Variants in KHDC1 observed in about 807,000 individuals in gnomAD.
The protein encoded by KHDC1 is KH homology domain-containing protein 1.
In KHDC1, 21 loss-of-function variants were observed where a neutral mutation model predicts 24.7. That is an observed-to-expected ratio of 0.85 (90% CI 0.60 to 1.23). The LOEUF (loss-of-function observed/expected upper bound fraction) is 1.23, where lower values mean the gene tolerates loss of function less well. Ranked by LOEUF, KHDC1 falls within the 50% of genes most tolerant of loss-of-function variation. The pLI is 0.00. For missense variants in KHDC1, 274 were observed against 298.5 expected (o/e 0.92, Z 0.61); for synonymous variants, 98 against 111.7 (o/e 0.88, Z 0.77).
chr6:73,309,787 G>A (rs920272615), exon 1 of KHDC1: 1 of 1,499,640 alleles, frequency 6.7e-7, no homozygotes, highest in African/African-American at 1.4e-5. Flanking sequence ...CCACCGCAGA[G>A]CCCGCCGGCG....
chr6:73,301,873 C>A (rs1480768366), intron 1 of KHDC1, among the ~76,000 whole-genome samples: 1 of 151,678 alleles, frequency 6.6e-6, no homozygotes, highest in Non-Finnish European at 1.5e-5. Flanking sequence ...CTCAAGCAAT[C>A]CTGCCTCAGC....
intron 2 of KHDC1, among the ~76,000 whole-genome samples, chr6:73,253,380 C>T (rs1395665295): frequency 1.3e-5 from 2 of 150,878 alleles, no homozygotes; most frequent in Non-Finnish European, 1.5e-5. Context: ...GGTGAAACCC[C>T]GTCTCTACTA....
chr6:73,252,307 C>T (rs985142508), intron 2 of KHDC1, among the ~76,000 whole-genome samples: 1 of 152,074 alleles, frequency 6.6e-6, no homozygotes, highest in African/African-American at 2.4e-5. Context: ...ACCTCCCAAA[C>T]TGGAGGGATT....
chr6:73,293,047 G>T, intron 1 of KHDC1: 1 of 1,018,562 alleles, frequency 9.8e-7, no homozygotes, highest in South Asian at 1.3e-5. Context: ...AAACTGAAAG[G>T]TGGATTGTAA....
At chr6:73,286,831 T>C (rs1202038801) in intron 2 of KHDC1, among the ~76,000 whole-genome samples, 5 of 150,334 alleles carry the variant, frequency 3.3e-5, no homozygotes, top group Admixed American at 6.7e-5. Context: ...TGCAGTGAGC[T>C]GAGTTCATGC....
intron 1 of KHDC1, among the ~76,000 whole-genome samples, chr6:73,308,045 G>T (rs1167555544): frequency 6.6e-6 from 1 of 151,154 alleles, no homozygotes; most frequent in Non-Finnish European, 1.5e-5. Flanking sequence ...TGGGATTACA[G>T]GCACCGCACC....
chr6:73,260,868 T>A (rs138042553), intron 2 of KHDC1, among the ~76,000 whole-genome samples: 1 of 152,228 alleles, frequency 6.6e-6, no homozygotes, highest in Non-Finnish European at 1.5e-5. Flanking sequence ...TCTTCATCTA[T>A]TGTCTATTTA....
chr6:73,256,433 C>G (rs1230242083), intron 2 of KHDC1, among the ~76,000 whole-genome samples: 1 of 152,188 alleles, frequency 6.6e-6, no homozygotes, highest in Non-Finnish European at 1.5e-5. Context: ...TGAACTCTTT[C>G]AACATTTGCT....
At chr6:73,293,864 G>A (rs1767708488) in intron 1 of KHDC1, among the ~76,000 whole-genome samples, 1 of 151,832 alleles carries the variant, frequency 6.6e-6, no homozygotes, top group Non-Finnish European at 1.5e-5. Flanking sequence ...AAATTAGCCG[G>A]GCATGATGGT....
At chr6:73,250,236 A>T (rs1279740265) in intron 2 of KHDC1, among the ~76,000 whole-genome samples, 2 of 152,184 alleles carry the variant, frequency 1.3e-5, no homozygotes, top group Non-Finnish European at 1.5e-5. Flanking sequence ...CTAACTCCTA[A>T]CATCAATTTA....
intron 2 of KHDC1, among the ~76,000 whole-genome samples, chr6:73,242,738 T>TA (rs1766597472): frequency 1.3e-5 from 2 of 152,196 alleles, no homozygotes; most frequent in Non-Finnish European, 2.9e-5. Context: ...ATGCCAAACT[T>TA]AATCATCTGA....
intron 2 of KHDC1, among the ~76,000 whole-genome samples, chr6:73,273,740 A>AC (rs1381348756): frequency 6.6e-6 from 1 of 151,830 alleles, no homozygotes; most frequent in African/African-American, 2.4e-5. Flanking sequence ...AATGGCGTGA[A>AC]CCCGGGAGGT....
At chr6:73,267,090 A>T (rs767156738) in intron 2 of KHDC1, among the ~76,000 whole-genome samples, 4 of 152,246 alleles carry the variant, frequency 2.6e-5, no homozygotes, top group African/African-American at 7.2e-5. Flanking sequence ...ATGGCCAATA[A>T]GAACATGAAA....
At chr6:73,247,779 C>T (rs1429128120) in intron 2 of KHDC1, among the ~76,000 whole-genome samples, 2 of 148,376 alleles carry the variant, frequency 1.3e-5, no homozygotes, top group Non-Finnish European at 3.0e-5. Context: ...ATGGCTTGAC[C>T]TGGGAGGCAG....
chr6:73,244,148 A>G (rs962529505), intron 2 of KHDC1, among the ~76,000 whole-genome samples: 69 of 152,332 alleles, frequency 4.5e-4, no homozygotes, highest in African/African-American at 1.6e-3. Context: ...GAAAAATATT[A>G]TTAATAAAAT....
intron 2 of KHDC1, among the ~76,000 whole-genome samples, chr6:73,272,629 A>G (rs1767201125): frequency 6.6e-6 from 1 of 151,292 alleles, no homozygotes; most frequent in South Asian, 2.1e-4. Flanking sequence ...ACAAAAAGTT[A>G]GCCAGGTTTG....
At chr6:73,278,518 T>G (rs34246858) in intron 2 of KHDC1, among the ~76,000 whole-genome samples, 42,170 of 152,112 alleles carry the variant, frequency 0.28, 6,496 homozygotes, top group African/African-American at 0.41. Context: ...GCCACTGTAG[T>G]CTAGCCCTAG....
chr6:73,264,826 A>C (rs896948544), intron 2 of KHDC1, among the ~76,000 whole-genome samples: 3 of 152,210 alleles, frequency 2.0e-5, no homozygotes, highest in African/African-American at 7.2e-5. Flanking sequence ...CAAAGACTGG[A>C]TGCTGCCTAA....
intron 2 of KHDC1, among the ~76,000 whole-genome samples, chr6:73,287,594 G>A (rs940640836): frequency 6.6e-6 from 1 of 152,180 alleles, no homozygotes; most frequent in African/African-American, 2.4e-5. Flanking sequence ...ACCTGGCAAT[G>A]CTATGGCAGT....
Sources: gnomAD v4.1 joint callset for allele counts (sites outside exome capture counted in the v4.1 genomes callset) on GRCh38, gnomAD v4.1.1 for gene constraint, MANE v1.5 for transcripts, NCBI Gene and HGNC (gene_info 2026-07-23, HGNC 2026-07-21) for gene names.